Variants in CERS5 observed in about 807,000 individuals in gnomAD.
CERS5 encodes the protein ceramide synthase 5, also known as LAG1 homolog, ceramide synthase 5.
Under a neutral mutation model 58.9 loss-of-function variants are expected in CERS5, and 37 were observed. That is an observed-to-expected ratio of 0.63 (90% CI 0.48 to 0.83). The LOEUF (loss-of-function observed/expected upper bound fraction) is 0.83. Ranked by LOEUF, CERS5 falls within the 40% of genes least tolerant of loss-of-function variation. The pLI is 0.00. For synonymous variants in CERS5, 147 were observed against 177.8 expected (o/e 0.83, Z 1.38); for missense variants, 398 against 489.3 (o/e 0.81, Z 1.76).
chr12:50,131,276 C>T (rs980507111), intron 9 of CERS5, among the ~76,000 whole-genome samples: 15 of 152,082 alleles, frequency 9.9e-5, no homozygotes, highest in East Asian at 1.9e-4. Context: ...CTTCAGCATC[C>T]CTGGCTGGGC....
chr12:50,132,713 A>G (rs1173272364), intron 9 of CERS5, among the ~76,000 whole-genome samples: 1 of 97,230 alleles, frequency 1.0e-5, no homozygotes, highest in African/African-American at 3.5e-5. Context: ...TTTCCACTAG[A>G]GGGCAGAGTG....
At chr12:50,148,528 C>T in intron 1 of CERS5, 1 of 333,662 alleles carries the variant, frequency 3.0e-6, no homozygotes, top group Non-Finnish European at 6.3e-6. Context: ...ACTCGGGAGA[C>T]AGAGGTTGCA....
chr12:50,150,623 G>T (rs182912469), intron 1 of CERS5, among the ~76,000 whole-genome samples: 1 of 152,240 alleles, frequency 6.6e-6, no homozygotes, highest in East Asian at 1.9e-4. Context: ...ACTTAAAAGA[G>T]AACTGAGGTC....
At chr12:50,142,973 A>C in intron 3 of CERS5, 101 bp downstream of exon 3, 1 of 1,248,074 alleles carries the variant, frequency 8.0e-7, no homozygotes, top group Non-Finnish European at 1.1e-6. Context: ...ATATCCATTA[A>C]CTGTTGTCCT....
chr12:50,139,031 A>C (rs1459873662), intron 4 of CERS5, among the ~76,000 whole-genome samples: 1 of 152,238 alleles, frequency 6.6e-6, no homozygotes, highest in Non-Finnish European at 1.5e-5. Context: ...ATTTCTTATC[A>C]TTAAATTGTT....
intron 1 of CERS5, chr12:50,153,864 GAATCATTTGAACCTGGGAGGCA>G (rs1267972047): frequency 4.7e-6 from 2 of 424,944 alleles, no homozygotes; most frequent in African/African-American, 4.2e-5. Flanking sequence ...TGAGGCAGGA[GAATCATTTGAACCTGGGAGGCA>G]GAGGTTGCAG....
At chr12:50,138,421 C>G (rs1296855436) in intron 5 of CERS5, 146 bp downstream of exon 5, 1 of 691,810 alleles carries the variant, frequency 1.4e-6, no homozygotes. Context: ...AAAATAGATA[C>G]CCTGAATATG....
intron 5 of CERS5, among the ~76,000 whole-genome samples, chr12:50,138,104 CA>C (rs1443220565): frequency 2.0e-5 from 3 of 152,172 alleles, no homozygotes; most frequent in Admixed American, 1.3e-4. Flanking sequence ...GGATTCTGGG[CA>C]ATTAGTGCTT....
At chr12:50,166,912 C>T (rs930402873) in intron 1 of CERS5, among the ~76,000 whole-genome samples, 189 bp downstream of exon 1, 18 of 152,338 alleles carry the variant, frequency 1.2e-4, no homozygotes, top group Middle Eastern at 3.4e-3. Context: ...TTGCCCACGC[C>T]CCAAACTCCT....
chr12:50,162,731 G>C (rs530670095), intron 1 of CERS5, among the ~76,000 whole-genome samples: 1 of 151,954 alleles, frequency 6.6e-6, no homozygotes, highest in Non-Finnish European at 1.5e-5. Context: ...AGCCTCCCAA[G>C]TAGCTGGGAT....
intron 1 of CERS5, among the ~76,000 whole-genome samples, chr12:50,154,823 C>A (rs1236203889): frequency 6.6e-6 from 1 of 151,988 alleles, no homozygotes; most frequent in African/African-American, 2.4e-5. Context: ...AACCCCTGCA[C>A]CTGGCCTGTT....
intron 1 of CERS5, among the ~76,000 whole-genome samples, chr12:50,148,927 A>AATATATATATAT (rs773368671): frequency 9.0e-4 from 43 of 48,026 alleles, no homozygotes; most frequent in African/African-American, 2.5e-3. Context: ...AAAAAAAAAA[A>AATATATATATAT]ATATATATAT....
intron 1 of CERS5, among the ~76,000 whole-genome samples, chr12:50,159,995 T>C (rs1939089897): frequency 6.6e-6 from 1 of 152,120 alleles, no homozygotes; most frequent in South Asian, 2.1e-4. Context: ...TCAAAAGTAC[T>C]GTCAATATGT....
At chr12:50,139,067 A>G (rs1951834799) in intron 4 of CERS5, among the ~76,000 whole-genome samples, 1 of 152,212 alleles carries the variant, frequency 6.6e-6, no homozygotes, top group African/African-American at 2.4e-5. Flanking sequence ...TTATCCTTTC[A>G]ATGACTATAG....
In CERS5 at chr12:50,130,488, G is replaced by T; in HGVS notation, c.*57C>A. On this transcript the variant is annotated 3_prime_UTR_variant, in exon 10 of 10. Transcript: ENST00000317551. Reference sequence around the variant, plus strand: ...GTAGATATGGGAAGGGCCAAGAGGAGTATGTTGCCAGTGGCCCTACAAGTC... The same window carrying T: ...GTAGATATGGGAAGGGCCAAGAGGATTATGTTGCCAGTGGCCCTACAAGTC... 2 of 1,461,590 alleles carry T rather than the reference G, an allele frequency of 1.4e-6. No homozygotes were observed. Among genetic ancestry groups the T allele is most frequent in the East Asian group, 2.4e-5 (1 of 41,834 alleles). 90.5% of individuals were successfully genotyped at this position (1,461,590 alleles called of 1,614,324 possible). A position where few individuals can be genotyped will look rare whatever the true frequency, so the allele number is the denominator to read the frequency against.
chr12:50,134,904 A>T (rs199987426), intron 8 of CERS5: 1 of 272,108 alleles, frequency 3.7e-6, no homozygotes, highest in South Asian at 5.6e-5. Context: ...ACAGAGAAAG[A>T]TATATAAATC....
rs1951662218 is a variant in CERS5 at position 50,135,778 on chromosome 12, A to C, written c.826T>G (p.Phe276Val). Reference protein sequence around the residue: ...QRLCDTLFVIFSAVFMVTRLG... With the variant: ...QRLCDTLFVIVSAVFMVTRLG... ...CGTGTAACCATAAAAACAGCACTGAAGATCACAAAAAGGGTGTCACAGAGC... is the reference window on the plus strand; with the variant it reads ...CGTGTAACCATAAAAACAGCACTGACGATCACAAAAAGGGTGTCACAGAGC... Residue 276 changes from phenylalanine to valine, a missense_variant, in exon 8 of 10, where the codon TTC (phenylalanine) becomes GTC (valine). Phe to Val is a conservative substitution (Grantham distance 50). Coordinates refer to ENST00000317551, the MANE Select transcript of CERS5 (RefSeq NM_147190.5). 6.2e-7 allele frequency: 1 copy of C among 1,614,064 alleles called. No individual in the cohort carries two copies. Among genetic ancestry groups the C allele is most frequent in the Non-Finnish European group, 8.5e-7 (1 of 1,180,026 alleles).
At chr12:50,135,481 A>C (rs1295628363) in intron 8 of CERS5, 1 of 681,154 alleles carries the variant, frequency 1.5e-6, no homozygotes, top group East Asian at 2.8e-5. Context: ...AGTCCTGAGA[A>C]GCCAACCAAG....
chr12:50,155,099 C>T (rs1050474213), intron 1 of CERS5, among the ~76,000 whole-genome samples: 1 of 152,024 alleles, frequency 6.6e-6, no homozygotes, highest in Non-Finnish European at 1.5e-5. Context: ...CTCAGGTGAT[C>T]CACCCACCTA....
Sources: allele counts gnomAD v4.1 joint callset (sites outside exome capture counted in the v4.1 genomes callset), GRCh38; gene constraint gnomAD v4.1.1; transcripts MANE v1.5; gene names NCBI Gene and HGNC (gene_info 2026-07-23, HGNC 2026-07-21).